Variants in PLCH1 observed in about 807,000 individuals in gnomAD.
The protein encoded by PLCH1 is 1-phosphatidylinositol 4,5-bisphosphate phosphodiesterase eta-1.
A neutral mutation model predicts 126.7 loss-of-function variants in PLCH1; 60 were observed. The ratio of observed to expected loss-of-function variants is 0.47; its 90% CI spans 0.38 to 0.59. PLCH1 has a LOEUF of 0.59. Ranked by LOEUF, PLCH1 falls within the 20% of genes least tolerant of loss-of-function variation. PLCH1 has a pLI of 0.00. For synonymous variants in PLCH1, 719 were observed against 734.9 expected (o/e 0.98, Z 0.35); for missense variants, 1,723 against 2,040.0 (o/e 0.84, Z 2.99).
At chr3:155,633,058 T>C (rs1227396576) in intron 2 of PLCH1, among the ~76,000 whole-genome samples, 1 of 152,118 alleles carries the variant, frequency 6.6e-6, no homozygotes, top group Non-Finnish European at 1.5e-5. Context: ...AGTTTTTCTC[T>C]TTTTACCATG....
chr3:155,706,946 T>C (rs1317092723), intron 1 of PLCH1, among the ~76,000 whole-genome samples: 1 of 152,162 alleles, frequency 6.6e-6, no homozygotes, highest in African/African-American at 2.4e-5. Context: ...AATGTTTGTG[T>C]CTGCCCCAAA....
At chr3:155,458,487 AAAG>A (rs1244644403) in intron 21 of PLCH1, among the ~76,000 whole-genome samples, 2 of 110,044 alleles carry the variant, frequency 1.8e-5, no homozygotes, top group Non-Finnish European at 3.2e-5. Context: ...AGAAAGAAAG[AAAG>A]AAAGAAAGAG....
chr3:155,726,568 C>G (rs1005894646), intron 1 of PLCH1, among the ~76,000 whole-genome samples: 1 of 152,162 alleles, frequency 6.6e-6, no homozygotes, highest in African/African-American at 2.4e-5. Flanking sequence ...ATGACTTCAT[C>G]AATATGTCAA....
intron 2 of PLCH1, among the ~76,000 whole-genome samples, chr3:155,673,774 A>G (rs1743799724): frequency 6.6e-6 from 1 of 152,198 alleles, no homozygotes; most frequent in African/African-American, 2.4e-5. Flanking sequence ...CCCTTCCATC[A>G]GGCATTCGTA....
At chr3:155,622,132 C>G (rs987001265) in intron 2 of PLCH1, among the ~76,000 whole-genome samples, 1 of 152,186 alleles carries the variant, frequency 6.6e-6, no homozygotes, top group Non-Finnish European at 1.5e-5. Context: ...AAAGAATTTT[C>G]AATCCAGAAT....
intron 2 of PLCH1, among the ~76,000 whole-genome samples, chr3:155,655,489 GT>G (rs993955282): frequency 6.6e-6 from 1 of 152,084 alleles, no homozygotes; most frequent in South Asian, 2.1e-4. Context: ...CGCTATTTGT[GT>G]TTCACATCTT....
intron 2 of PLCH1, among the ~76,000 whole-genome samples, chr3:155,619,498 T>TAAAAA (rs1553857946): frequency 7.5e-6 from 1 of 133,522 alleles, no homozygotes; most frequent in African/African-American, 2.6e-5. Flanking sequence ...ACAGAAAAAG[T>TAAAAA]AAAAAAAAAA....
intron 6 of PLCH1, among the ~76,000 whole-genome samples, chr3:155,576,014 T>C (rs1729898490): frequency 6.6e-6 from 1 of 151,628 alleles, no homozygotes; most frequent in South Asian, 2.1e-4. Flanking sequence ...CCTCAATCCA[T>C]AAGAAACAAA....
At chr3:155,601,517 GTA>G (rs1733735243) in intron 2 of PLCH1, among the ~76,000 whole-genome samples, 1 of 151,834 alleles carries the variant, frequency 6.6e-6, no homozygotes, top group Non-Finnish European at 1.5e-5. Context: ...TATATGATTA[GTA>G]TATGTCATTT....
intron 1 of PLCH1, among the ~76,000 whole-genome samples, chr3:155,718,161 C>T (rs900952241): frequency 4.6e-5 from 7 of 152,178 alleles, no homozygotes; most frequent in African/African-American, 1.7e-4. Context: ...TAAGGCATAA[C>T]ATGCATAACC....
At position 155,688,329 on chromosome 3, in the gene PLCH1, AG is replaced by A. The variant is rs1409590196; in HGVS notation, c.79+15816del. The stretch of plus-strand genomic sequence containing the variant: ...TAATCAGAAAATGCAGTGATTTACA[AG>A]ATTTATCCCACAGAAAATCCACTTA... On this transcript the variant is annotated intron_variant, in intron 2 of 22. Transcript: ENST00000460012. Among the ~76,000 whole-genome samples the A allele has an allele frequency of 4.6e-5, 7 of 152,248 alleles. No homozygotes were observed. In the East Asian group the frequency reaches 5.8e-4, roughly 13 times the overall value.
intron 8 of PLCH1, 120 bp downstream of exon 8, chr3:155,564,795 A>T: frequency 6.3e-6 from 4 of 633,250 alleles, no homozygotes; most frequent in Non-Finnish European, 1.1e-5. Flanking sequence ...ATGAGCAGAA[A>T]AGTAGTACTA....
At chr3:155,468,935 A>G (rs1337987569) in intron 21 of PLCH1, among the ~76,000 whole-genome samples, 1 of 152,222 alleles carries the variant, frequency 6.6e-6, no homozygotes, top group Non-Finnish European at 1.5e-5. Flanking sequence ...ACAGGTATTT[A>G]CAGAACATTT....
intron 10 of PLCH1, among the ~76,000 whole-genome samples, chr3:155,540,130 TA>T (rs1225102820): frequency 6.6e-6 from 1 of 151,964 alleles, no homozygotes; most frequent in Non-Finnish European, 1.5e-5. Context: ...AACAAAAACA[TA>T]AAGTGGAGAA....
At chr3:155,677,281 C>A (rs1744171232) in intron 2 of PLCH1, among the ~76,000 whole-genome samples, 1 of 152,212 alleles carries the variant, frequency 6.6e-6, no homozygotes, top group Non-Finnish European at 1.5e-5. Flanking sequence ...GCTAACTCAT[C>A]CCTTGATTCC....
chr3:155,644,470 G>A (rs1429790347), intron 2 of PLCH1, among the ~76,000 whole-genome samples: 1 of 152,074 alleles, frequency 6.6e-6, no homozygotes, highest in African/African-American at 2.4e-5. Flanking sequence ...AGGCATAGTG[G>A]CAGGTGCCTG....
chr3:155,609,190 G>A (rs1231905655), intron 2 of PLCH1, among the ~76,000 whole-genome samples: 6 of 152,194 alleles, frequency 3.9e-5, no homozygotes, highest in African/African-American at 1.4e-4. Flanking sequence ...TCCACAGCTA[G>A]GAGACATGAA....
At position 155,587,676 on chromosome 3, in the gene PLCH1, A is replaced by G. The variant is rs528067049; in HGVS notation, c.471-1482T>C. On this transcript the variant is annotated intron_variant, in intron 4 of 22. Coordinates refer to ENST00000460012, the MANE Select transcript of PLCH1 (RefSeq NM_014996.4). ...TGACTGAGAATTAGAAGCTGAGTTT[A>G]GATACAAAAGGTTTACATCATGTGA... Among the ~76,000 whole-genome samples the G allele has an allele frequency of 6.0e-4, 92 of 152,368 alleles. 2 individuals carry two copies. In the South Asian group the frequency reaches 6.8e-3, roughly 11 times the overall value.
chr3:155,646,431 T>A (rs558419403), intron 2 of PLCH1, among the ~76,000 whole-genome samples: 1 of 152,278 alleles, frequency 6.6e-6, no homozygotes, highest in African/African-American at 2.4e-5. Flanking sequence ...GTGTCACAGT[T>A]CTGTCTCACC....
Sources: allele counts gnomAD v4.1 joint callset (sites outside exome capture counted in the v4.1 genomes callset), GRCh38; gene constraint gnomAD v4.1.1; transcripts MANE v1.5; gene names NCBI Gene and HGNC (gene_info 2026-07-23, HGNC 2026-07-21).